The following FAM184A variants were observed in gnomAD, a reference collection of about 807,000 sequenced individuals.
The protein encoded by FAM184A is family with sequence similarity 184 member A.
In FAM184A, 99 loss-of-function variants were observed where a neutral mutation model predicts 143.8. That is an observed-to-expected ratio of 0.69 (90% CI 0.58 to 0.81). FAM184A has a LOEUF of 0.81. Among genes scored for constraint, FAM184A ranks in the 40% least tolerant of loss-of-function variants. FAM184A has a pLI of 0.00. For missense variants in FAM184A, 1,217 were observed against 1,310.5 expected (o/e 0.93, Z 1.10); for synonymous variants, 427 against 446.4 (o/e 0.96, Z 0.55).
At chr6:119,003,257 G>C (rs952067283) in intron 8 of FAM184A, among the ~76,000 whole-genome samples, 1 of 152,042 alleles carries the variant, frequency 6.6e-6, no homozygotes, top group Non-Finnish European at 1.5e-5. Flanking sequence ...CAGCAGAATA[G>C]GTACCAGAAC....
chr6:119,098,999 A>G (rs754547418), intron 1 of FAM184A, among the ~76,000 whole-genome samples: 1 of 152,188 alleles, frequency 6.6e-6, no homozygotes, highest in Non-Finnish European at 1.5e-5. Flanking sequence ...AATCCCAGCT[A>G]CTTGGGAGGC....
intron 1 of FAM184A, among the ~76,000 whole-genome samples, chr6:119,128,617 G>C (rs775012184): frequency 1.4e-4 from 22 of 152,028 alleles, no homozygotes; most frequent in Non-Finnish European, 2.9e-4. Flanking sequence ...GGGAATAAAA[G>C]GGTGAGTGGG....
intron 7 of FAM184A, chr6:119,006,068 G>A (rs971451569): frequency 1.3e-6 from 1 of 764,906 alleles, no homozygotes. Context: ...TCAAACTGGA[G>A]TAGAATGAGC....
intron 1 of FAM184A, among the ~76,000 whole-genome samples, chr6:119,046,564 TA>T (rs35889394): frequency 5.4e-5 from 8 of 149,098 alleles, no homozygotes; most frequent in East Asian, 3.9e-4. Flanking sequence ...ACCTACCAAA[TA>T]AAAAAAAAAA....
intron 1 of FAM184A, among the ~76,000 whole-genome samples, chr6:119,128,286 A>G (rs1451894432): frequency 6.6e-6 from 1 of 152,198 alleles, no homozygotes; most frequent in Non-Finnish European, 1.5e-5. Context: ...AGTCACAAAG[A>G]CCATCTTAAA....
chr6:119,133,729 G>A (rs1789593683), intron 1 of FAM184A, among the ~76,000 whole-genome samples: 1 of 152,066 alleles, frequency 6.6e-6, no homozygotes, highest in African/African-American at 2.4e-5. Flanking sequence ...CACCTCAGAA[G>A]GGGGTCCTCC....
In FAM184A at chr6:119,129,687, T is replaced by C. The variant is rs1340738920; in HGVS notation, c.-202+19391A>G. Reference sequence around the variant, plus strand: ...TTTGAGAGAGCTGAATAGGGGGGTGTTTTTTGGTTTCATTTTTGTGTTTTG... The same window carrying C: ...TTTGAGAGAGCTGAATAGGGGGGTGCTTTTTGGTTTCATTTTTGTGTTTTG... On this transcript the variant is annotated intron_variant, in intron 1 of 16. Coordinates refer to the FAM184A transcript ENST00000352896. 2.0e-5 allele frequency among the ~76,000 whole-genome samples: 3 copies of C among 148,280 alleles called. No individual in the cohort carries two copies. In the South Asian group the frequency reaches 6.7e-4, roughly 33 times the overall value.
chr6:118,974,491 A>G lies in FAM184A; in HGVS notation c.2852T>C (p.Met951Thr), dbSNP rs1253914864. The G allele has an allele frequency of 1.2e-6, 2 of 1,612,922 alleles. No homozygotes were observed. The highest frequency in any genetic ancestry group is 1.7e-6 in the Non-Finnish European group (2 of 1,179,320). Residue 951 changes from methionine to threonine, a missense_variant, in exon 14 of 18, where the codon ATG becomes ACG. Met to Thr is a moderately conservative substitution (Grantham distance 81). Coordinates refer to ENST00000338891, the MANE Select transcript of FAM184A (RefSeq NM_024581.6). ...TADHLREKNI[M>T]RADFNKTNEL... ...GTTAGTCTTATTAAAATCTGCCCGC[A>G]TGATATTTTTCTCTCTGAGGTGGTC...
At chr6:119,065,368 C>A (rs1187123841) in intron 1 of FAM184A, among the ~76,000 whole-genome samples, 1 of 152,176 alleles carries the variant, frequency 6.6e-6, no homozygotes, top group Non-Finnish European at 1.5e-5. Context: ...CCCTGGCCAG[C>A]AGCTTGAATG....
At chr6:119,118,283 A>C (rs913380422) in intron 1 of FAM184A, among the ~76,000 whole-genome samples, 1 of 152,270 alleles carries the variant, frequency 6.6e-6, no homozygotes, top group Non-Finnish European at 1.5e-5. Flanking sequence ...AAATGTGAGC[A>C]TAAAAATCAC....
chr6:119,097,723 T>C (rs1161751091), intron 1 of FAM184A, among the ~76,000 whole-genome samples: 1 of 152,176 alleles, frequency 6.6e-6, no homozygotes, highest in Admixed American at 6.5e-5. Flanking sequence ...GTTGCAATAC[T>C]TTAGGCCTCA....
chr6:119,085,646 C>T (rs1016133208), intron 1 of FAM184A, among the ~76,000 whole-genome samples: 28 of 152,214 alleles, frequency 1.8e-4, no homozygotes, highest in Admixed American at 3.9e-4. Context: ...TTTACAGCAA[C>T]GCCCCACTCT....
chr6:119,096,664 A>AAAAG (rs1562148670), intron 1 of FAM184A, among the ~76,000 whole-genome samples: 13 of 150,926 alleles, frequency 8.6e-5, no homozygotes, highest in African/African-American at 2.7e-4. Flanking sequence ...AAAAAAAAAA[A>AAAAG]AAAGAAAGAA....
In FAM184A at chr6:119,143,658, C is replaced by T. The variant is rs192348869; in HGVS notation, c.-202+5420G>A. Among the ~76,000 whole-genome samples the T allele has an allele frequency of 7.2e-4, 109 of 152,312 alleles. 1 individual carries two copies. Among genetic ancestry groups the T allele is most frequent in the African/African-American group, 2.6e-3 (107 of 41,564 alleles). ...AGGAGTGACGTTCTGACACATGCTA[C>T]AGCTTAAATGAACCTTTAGGACATG... is the stretch of plus-strand genomic sequence containing the variant. On this transcript the variant is annotated intron_variant, in intron 1 of 16. Transcript: ENST00000352896.
chr6:118,987,657 C>A (rs1473447020), intron 9 of FAM184A, among the ~76,000 whole-genome samples: 1 of 152,104 alleles, frequency 6.6e-6, no homozygotes, highest in African/African-American at 2.4e-5. Flanking sequence ...ACCTTCATAA[C>A]AATCCAGTAC....
intron 9 of FAM184A, among the ~76,000 whole-genome samples, chr6:118,991,270 T>G (rs375674881): frequency 2.0e-5 from 3 of 151,910 alleles, no homozygotes; most frequent in East Asian, 3.9e-4. Flanking sequence ...TGAAGCAATT[T>G]TCCTGCCTCA....
chr6:119,098,774 C>A (rs1022329043), intron 1 of FAM184A, among the ~76,000 whole-genome samples: 1 of 152,082 alleles, frequency 6.6e-6, no homozygotes, highest in Admixed American at 6.6e-5. Context: ...GTCTACGTGC[C>A]GGTGGACCCA....
chr6:119,104,673 T>G (rs1788731170), intron 1 of FAM184A, among the ~76,000 whole-genome samples: 2 of 152,330 alleles, frequency 1.3e-5, no homozygotes, highest in South Asian at 4.1e-4. Context: ...CTTTCAAAAT[T>G]ATAAATTACA....
intron 1 of FAM184A, among the ~76,000 whole-genome samples, chr6:119,146,843 A>C (rs924720049): frequency 6.6e-6 from 1 of 151,966 alleles, no homozygotes; most frequent in Admixed American, 6.5e-5. Context: ...CACAGATTGG[A>C]GCTCTTCCAA....
Sources: gnomAD v4.1 joint callset for allele counts (sites outside exome capture counted in the v4.1 genomes callset) on GRCh38, gnomAD v4.1.1 for gene constraint, MANE v1.5 for transcripts, NCBI Gene and HGNC (gene_info 2026-07-23, HGNC 2026-07-21) for gene names.